The following PCDH11X variants were observed in gnomAD, a reference collection of about 807,000 sequenced individuals.
The protein encoded by PCDH11X is protocadherin-11 X-linked.
A neutral mutation model predicts 53.3 loss-of-function variants in PCDH11X; 18 were observed. The ratio of observed to expected loss-of-function variants is 0.34; its 90% CI spans 0.23 to 0.50. The LOEUF (loss-of-function observed/expected upper bound fraction) is 0.50. PCDH11X is among the 20% of genes least tolerant of loss of function. The pLI is 0.98. For missense variants in PCDH11X, 570 were observed against 1,032.4 expected, an observed-to-expected ratio of 0.55 and a Z score of 6.14; for synonymous variants, 279 against 393.3, an observed-to-expected ratio of 0.71 and a Z score of 3.44.
At chrX:92,484,877 A>G (rs2092589906) in intron 10 of PCDH11X, among the ~76,000 whole-genome samples, 1 of 111,088 alleles carries the variant, frequency 9.0e-6, no homozygotes, top group African/African-American at 3.3e-5. Context: ...ATTGCTGTAT[A>G]AAATGAGGAG....
intron 6 of PCDH11X, among the ~76,000 whole-genome samples, chrX:92,135,140 G>A (rs985802599): frequency 2.3e-4 from 25 of 110,707 alleles, no homozygotes; most frequent in Non-Finnish European, 3.8e-4. Context: ...ATTAAAAATG[G>A]TAGTCTGTTG....
chrX:92,141,660 A>G (rs2065181259), intron 6 of PCDH11X, among the ~76,000 whole-genome samples: 1 of 111,924 alleles, frequency 8.9e-6, no homozygotes, highest in South Asian at 3.7e-4. Context: ...TTTATAATAT[A>G]GACATGTGCT....
intron 9 of PCDH11X, among the ~76,000 whole-genome samples, chrX:92,438,745 T>C (rs1448956884): frequency 3.6e-5 from 4 of 111,417 alleles, no homozygotes; most frequent in Non-Finnish European, 7.5e-5. Context: ...ACTTTGTCCA[T>C]TTATTTCTCC....
chrX:92,100,864 A>G (rs2064233920), intron 6 of PCDH11X, among the ~76,000 whole-genome samples: 1 of 110,681 alleles, frequency 9.0e-6, no homozygotes, highest in African/African-American at 3.3e-5. Context: ...CTGAAGGAAG[A>G]TTTGTGGTAA....
intron 9 of PCDH11X, among the ~76,000 whole-genome samples, chrX:92,415,001 ACT>A (rs1295102318): frequency 8.1e-5 from 9 of 110,564 alleles, no homozygotes; most frequent in Admixed American, 7.7e-4. Context: ...TTTAGTACAG[ACT>A]CTCATTTCTA....
intron 4 of PCDH11X, among the ~76,000 whole-genome samples, chrX:91,824,503 T>G (rs1327310078): frequency 1.2e-4 from 13 of 111,232 alleles, no homozygotes; most frequent in African/African-American, 3.6e-4. Flanking sequence ...ACGTATTTCT[T>G]GAGCCTTGGT....
chrX:92,383,897 C>T (rs1255195379), intron 8 of PCDH11X, among the ~76,000 whole-genome samples: 1 of 111,798 alleles, frequency 8.9e-6, no homozygotes, highest in Non-Finnish European at 1.9e-5. Flanking sequence ...TGAGGAATCG[C>T]CACACTGTCT....
Position 91,946,558 on chromosome X carries a change from C to CATATATATAT in PCDH11X, c.3033+67317_3033+67326dup, listed in dbSNP as rs766671132. On this transcript the variant is annotated intron_variant, in intron 6 of 10. Transcript: ENST00000682573. ...AATTTGGATTCAAACCTGTTTCCCT[C>CATATATATAT]ATATATATATATATATATATATATA... 1.3e-4 allele frequency among the ~76,000 whole-genome samples: 4 copies of CATATATATAT among 31,625 alleles called. No homozygotes were observed. In the Admixed American group the frequency reaches 1.4e-3, roughly 11 times the overall value. 27.5% of individuals were successfully genotyped at this position (31,625 alleles called of 115,157 possible).
intron 7 of PCDH11X, among the ~76,000 whole-genome samples, chrX:92,234,936 CT>C (rs1603220566): frequency 9.1e-6 from 1 of 110,257 alleles, no homozygotes; most frequent in African/African-American, 3.3e-5. Flanking sequence ...AAAAATTATC[CT>C]TTTTAAGTTA....
intron 6 of PCDH11X, among the ~76,000 whole-genome samples, chrX:92,120,451 C>T (rs1403581890): frequency 2.7e-5 from 3 of 112,841 alleles, no homozygotes; most frequent in Non-Finnish European, 5.6e-5. Context: ...CGCCACCGCG[C>T]CTGGCCACCA....
chrX:91,781,525 C>T (rs192902832), intron 1 of PCDH11X, among the ~76,000 whole-genome samples: 1,479 of 113,014 alleles, frequency 0.013, 16 homozygotes, highest in Non-Finnish European at 0.019. Context: ...GGAAACGGTA[C>T]TTGCGGGCAC....
chrX:91,945,361 A>G (rs1197173707), intron 6 of PCDH11X, among the ~76,000 whole-genome samples: 1 of 107,104 alleles, frequency 9.3e-6, no homozygotes, highest in Non-Finnish European at 1.9e-5. Context: ...CTGAAAGGCT[A>G]CAATTTTATG....
chrX:92,617,439 A>C (rs1389200233), intron 10 of PCDH11X, among the ~76,000 whole-genome samples: 1 of 111,688 alleles, frequency 9.0e-6, no homozygotes, highest in African/African-American at 3.3e-5. Context: ...CACAGGATTG[A>C]TACGTCTTCG....
At chrX:92,537,849 A>G (rs972949807) in intron 10 of PCDH11X, among the ~76,000 whole-genome samples, 1 of 109,922 alleles carries the variant, frequency 9.1e-6, no homozygotes, top group African/African-American at 3.3e-5. Flanking sequence ...TTGATTTTGT[A>G]TTCTGTAAAT....
At position 92,315,811 on chromosome X, in the gene PCDH11X, C is replaced by T. The variant is rs2755349; in HGVS notation, c.3144+52668C>T. On this transcript the variant is annotated intron_variant, in intron 8 of 10. Coordinates refer to ENST00000682573, the MANE Select transcript of PCDH11X (RefSeq NM_032968.5). ...TTGGCCTCCCAAAGTGCTGGGATTA[C>T]AGGGGTGAGCCACCACCCCTGGCCT... Among the ~76,000 whole-genome samples, 8 of 110,055 alleles carry T rather than the reference C, an allele frequency of 7.3e-5. No individual in the cohort carries two copies. The South Asian group carries it at 3.2e-3, about 44-fold the overall frequency.
intron 5 of PCDH11X, among the ~76,000 whole-genome samples, chrX:91,838,494 G>T (rs1937383697): frequency 1.8e-5 from 2 of 111,495 alleles, no homozygotes; most frequent in Non-Finnish European, 3.8e-5. Flanking sequence ...GCATGCAGAG[G>T]GCCATGACAT....
Position 92,135,757 on chromosome X carries a change from TTGTGTGTGTGTGTG to T in PCDH11X, c.3034-65602_3034-65589del, listed in dbSNP as rs575523392. Among the ~76,000 whole-genome samples the T allele has an allele frequency of 1.0e-4, 10 of 100,193 alleles. No individual in the cohort carries two copies. The South Asian group carries it at 3.3e-3, about 33-fold the overall frequency. 87.0% of individuals were successfully genotyped at this position (100,193 alleles called of 115,157 possible). ...TATGTACATAGATGTGTGTGCATGT[TTGTGTGTGTGTGTG>T]TGTGTGTGTGTGTGTATGGTGGAAT... On this transcript the variant is annotated intron_variant, in intron 6 of 10. Coordinates refer to ENST00000682573, the MANE Select transcript of PCDH11X (RefSeq NM_032968.5).
intron 5 of PCDH11X, among the ~76,000 whole-genome samples, chrX:91,839,625 TA>T (rs1305085282): frequency 1.8e-5 from 2 of 109,232 alleles, no homozygotes; most frequent in Admixed American, 9.9e-5. Flanking sequence ...TAAATAAAAT[TA>T]AAAAAATTAA....
At chrX:92,272,277 C>G (rs1300124747) in intron 8 of PCDH11X, among the ~76,000 whole-genome samples, 1 of 111,410 alleles carries the variant, frequency 9.0e-6, no homozygotes, top group Non-Finnish European at 1.9e-5. Context: ...TTTTGTAACC[C>G]CTAAGTTAGA....
Sources: gnomAD v4.1 joint callset for allele counts (sites outside exome capture counted in the v4.1 genomes callset) on GRCh38, gnomAD v4.1.1 for gene constraint, MANE v1.5 for transcripts, NCBI Gene and HGNC (gene_info 2026-07-23, HGNC 2026-07-21) for gene names.